JARID2: variants seen among roughly 807,000 people sequenced by gnomAD.
JARID2 encodes protein Jumonji.
In JARID2, 21 loss-of-function variants were observed where a neutral mutation model predicts 125.6. The ratio of observed to expected loss-of-function variants is 0.17; its 90% CI spans 0.12 to 0.24. The LOEUF is 0.24. Among genes scored for constraint, JARID2 ranks in the 10% least tolerant of loss-of-function variants. JARID2 has a pLI of 1.00. For missense variants in JARID2, 1,303 were observed against 1,639.6 expected (o/e 0.79, Z 3.55); for synonymous variants, 736 against 661.6 (o/e 1.11, Z -1.73).
rs891926770 is a variant in JARID2 at position 15,246,262 on chromosome 6, G to C, written c.-278G>C. The C allele has an allele frequency of 7.3e-6, 4 of 547,608 alleles. No individual in the cohort carries two copies. Among genetic ancestry groups the C allele is most frequent in the African/African-American group, 3.9e-5 (2 of 51,032 alleles). The allele number at this position is 547,608 out of a possible 1,614,324, so 33.9% of individuals were successfully genotyped here. ...CGTCGGTTTTTTTTTGTGTGTGTGT[G>C]TATGTGTTTCGGGGGAAATTTTCCA... On this transcript the variant is annotated 5_prime_UTR_variant, in exon 1 of 18. Transcript: ENST00000341776.
chr6:15,480,185 T>A (rs1162137082), intron 5 of JARID2, among the ~76,000 whole-genome samples: 1 of 152,188 alleles, frequency 6.6e-6, no homozygotes, highest in African/African-American at 2.4e-5. Context: ...TTCGTTTGTT[T>A]TGGGGTGTGG....
At chr6:15,433,410 C>G (rs55947571) in intron 3 of JARID2, among the ~76,000 whole-genome samples, 2,089 of 143,446 alleles carry the variant, frequency 0.015, 29 homozygotes, top group African/African-American at 0.034. Context: ...CCATGTCTCT[C>G]TGTGTGTGTG....
intron 1 of JARID2, among the ~76,000 whole-genome samples, chr6:15,302,619 T>C (rs1761671802): frequency 6.6e-6 from 1 of 152,222 alleles, no homozygotes; most frequent in African/African-American, 2.4e-5. Flanking sequence ...TAAGTGAGAA[T>C]TTCTTTCTAA....
chr6:15,393,287 A>G (rs1765094230), intron 2 of JARID2, among the ~76,000 whole-genome samples: 1 of 152,256 alleles, frequency 6.6e-6, no homozygotes, highest in African/African-American at 2.4e-5. Context: ...CTGTGCCACT[A>G]TAATGAGAAG....
chr6:15,246,692 G>C (rs774885032), intron 1 of JARID2, 108 bp downstream of exon 1: 5 of 967,966 alleles, frequency 5.2e-6, no homozygotes, highest in Admixed American at 4.4e-5. Context: ...CACAGCGTCC[G>C]ATAAGGCTGT....
chr6:15,354,899 C>T (rs938332463), intron 1 of JARID2, among the ~76,000 whole-genome samples: 1 of 152,152 alleles, frequency 6.6e-6, no homozygotes, highest in Non-Finnish European at 1.5e-5. Context: ...TATTTGAGAA[C>T]TGAATATTAG....
intron 1 of JARID2, among the ~76,000 whole-genome samples, chr6:15,352,134 C>T (rs549498921): frequency 6.6e-6 from 1 of 152,230 alleles, no homozygotes; most frequent in East Asian, 1.9e-4. Context: ...TTATCTTCCC[C>T]GTTGCCCTCC....
intron 1 of JARID2, among the ~76,000 whole-genome samples, chr6:15,317,447 G>A (rs924686848): frequency 6.6e-6 from 1 of 152,140 alleles, no homozygotes; most frequent in African/African-American, 2.4e-5. Flanking sequence ...GTGTTCAACC[G>A]ACATTGTGGT....
intron 17 of JARID2, 104 bp from the exon 18 acceptor site, chr6:15,519,965 G>C (rs1771753542): frequency 2.4e-6 from 2 of 818,924 alleles, no homozygotes; most frequent in Middle Eastern, 3.5e-4. Context: ...TGTGGTGAAG[G>C]GGACCGCTGC....
intron 5 of JARID2, among the ~76,000 whole-genome samples, chr6:15,469,020 G>T (rs1381705209): frequency 6.6e-6 from 1 of 152,126 alleles, no homozygotes; most frequent in African/African-American, 2.4e-5. Flanking sequence ...AAGATTTGGT[G>T]AAACAACATC....
At chr6:15,292,484 T>C (rs1429051089) in intron 1 of JARID2, among the ~76,000 whole-genome samples, 1 of 152,158 alleles carries the variant, frequency 6.6e-6, no homozygotes, top group Admixed American at 6.5e-5. Context: ...ATGGAATCTC[T>C]GGGTCAATGG....
chr6:15,498,324 T>A (rs1347969080), intron 7 of JARID2, among the ~76,000 whole-genome samples: 2 of 152,316 alleles, frequency 1.3e-5, no homozygotes, highest in South Asian at 2.1e-4. Context: ...GGATCCTTAG[T>A]GAATGCATAT....
At chr6:15,461,764 C>G (rs1768460841) in intron 4 of JARID2, among the ~76,000 whole-genome samples, 1 of 152,156 alleles carries the variant, frequency 6.6e-6, no homozygotes, top group Admixed American at 6.5e-5. Flanking sequence ...CGACTGAAGA[C>G]ATTATGCTCT....
At chr6:15,469,349 CTCTCTCTCTCT>C (rs1768934770) in intron 5 of JARID2, among the ~76,000 whole-genome samples, 1 of 80,114 alleles carries the variant, frequency 1.2e-5, no homozygotes, top group Non-Finnish European at 2.6e-5. Flanking sequence ...GTCTCTCTCT[CTCTCTCTCTCT>C]CCTCCCCTTC....
At chr6:15,444,786 T>C (rs1008431187) in intron 3 of JARID2, among the ~76,000 whole-genome samples, 1 of 139,414 alleles carries the variant, frequency 7.2e-6, no homozygotes, top group Non-Finnish European at 1.6e-5. Flanking sequence ...TCCCACCCTT[T>C]CCTTGCCCTT....
intron 1 of JARID2, among the ~76,000 whole-genome samples, chr6:15,316,818 A>AACACAG (rs1762196200): frequency 6.6e-6 from 1 of 152,130 alleles, no homozygotes; most frequent in South Asian, 2.1e-4. Flanking sequence ...TATTGTTTTT[A>AACACAG]ACACAGCTTT....
rs868090236 is a variant in JARID2 at position 15,404,487 on chromosome 6, C to T, written c.182-5737C>T. Among the ~76,000 whole-genome samples the T allele has an allele frequency of 4.9e-4, 74 of 150,992 alleles. 1 individual carries two copies. The Middle Eastern group carries it at 0.014, about 28-fold the overall frequency. On this transcript the variant is annotated intron_variant, in intron 2 of 17. Coordinates refer to ENST00000341776, the MANE Select transcript of JARID2 (RefSeq NM_004973.4). ...GAGGGCCCTACCTCAGCCATGGGGG[C>T]TGCTTTTATAATTTTTCTATCATCT...
chr6:15,503,473 A>C (rs11966626), intron 8 of JARID2, among the ~76,000 whole-genome samples: 1 of 151,786 alleles, frequency 6.6e-6, no homozygotes, highest in South Asian at 2.1e-4. Flanking sequence ...TTGTGGCCCT[A>C]TCACTTCTAG....
chr6:15,492,715 C>T (rs905311645), intron 6 of JARID2, among the ~76,000 whole-genome samples: 3 of 152,156 alleles, frequency 2.0e-5, no homozygotes, highest in Admixed American at 6.5e-5. Flanking sequence ...TGTGGCCTCT[C>T]GTGGTGGGCA....
Sources: allele counts gnomAD v4.1 joint callset (sites outside exome capture counted in the v4.1 genomes callset), GRCh38; gene constraint gnomAD v4.1.1; transcripts MANE v1.5; gene names NCBI Gene and HGNC (gene_info 2026-07-23, HGNC 2026-07-21).